The following HNRNPA1L2 variants were observed in gnomAD, a reference collection of about 807,000 sequenced individuals.
The protein encoded by HNRNPA1L2 is heterogeneous nuclear ribonucleoprotein A1-like 2.
A neutral mutation model predicts 18.2 loss-of-function variants in HNRNPA1L2; 10 were observed. That is an observed-to-expected ratio of 0.55 (90% confidence interval 0.34 to 0.93). The LOEUF (loss-of-function observed/expected upper bound fraction) is 0.93, where lower values mean the gene tolerates loss of function less well. Among genes scored for constraint, HNRNPA1L2 ranks in the 40% least tolerant of loss-of-function variants. The pLI, the probability that HNRNPA1L2 is intolerant of heterozygous loss-of-function variation, is 0.02. For synonymous variants in HNRNPA1L2, 124 were observed against 138.6 expected (o/e 0.89, Z 0.74); for missense variants, 308 against 394.4 (o/e 0.78, Z 1.85).
upstream of HNRNPA1L2, chr13:52,642,126 C>A (rs1019527934): frequency 4.0e-5 from 10 of 248,548 alleles, no homozygotes; most frequent in African/African-American, 8.9e-5. Flanking sequence ...TAGTTATATA[C>A]CCCTTCTTAA....
chr13:52,637,793 A>G (rs1296735561), upstream of HNRNPA1L2, among the ~76,000 whole-genome samples: 1 of 152,184 alleles, frequency 6.6e-6, no homozygotes, highest in African/African-American at 2.4e-5. Context: ...GCAGGTTCAC[A>G]GGTGGTCATT....
At chr13:52,626,169 A>G in the HNRNPA1L2 span, among the ~76,000 whole-genome samples, 6 of 152,116 alleles carry the variant, frequency 3.9e-5, no homozygotes, top group African/African-American at 1.4e-4. Flanking sequence ...ATCTTTCTCC[A>G]AGAACTTTAG....
At chr13:52,623,854 G>A in the HNRNPA1L2 span, among the ~76,000 whole-genome samples, 1 of 152,166 alleles carries the variant, frequency 6.6e-6, no homozygotes, top group African/African-American at 2.4e-5. Context: ...GGAACACAGC[G>A]GGGAAGGCCA....
the HNRNPA1L2 span, among the ~76,000 whole-genome samples, chr13:52,623,995 G>A: frequency 2.0e-5 from 3 of 152,222 alleles, no homozygotes; most frequent in South Asian, 6.2e-4. Context: ...AGCTGAGGGT[G>A]TTAGCAGAAA....
At chr13:52,641,206 C>T (rs1316294521), upstream of HNRNPA1L2, 1 of 152,236 alleles carries the variant, frequency 6.6e-6, no homozygotes, top group East Asian at 1.9e-4. Flanking sequence ...TAAAGAAGGA[C>T]CTGTGATGCT....
At chr13:52,631,497 G>C in the HNRNPA1L2 span, among the ~76,000 whole-genome samples, 1 of 152,270 alleles carries the variant, frequency 6.6e-6, no homozygotes, top group Middle Eastern at 3.4e-3. Context: ...CCGGACGTTC[G>C]GTTGAGAAAG....
rs1319334610 is a variant in HNRNPA1L2, at chr13:52,643,199, G to A, written c.707G>A (p.Gly236Glu). ...GGFGGSCGGG[G>E]YGGSGDGYNG... ...TTTGGTGGCAGCTGTGGTGGTGGTG[G>A]ATATGGTGGCAGTGGGGATGGCTAT... is the stretch of plus-strand genomic sequence containing the variant. The change falls in exon 1 of 1, where the codon GGA becomes GAA. Residue 236 changes from glycine to glutamate, a missense_variant. Gly to Glu is a moderately conservative substitution (Grantham distance 98, BLOSUM62 -2). Transcript: ENST00000357495. 4 of 1,597,712 alleles carry A rather than the reference G, an allele frequency of 2.5e-6. No individual in the cohort carries two copies. Among genetic ancestry groups the A allele is most frequent in the Non-Finnish European group, 3.4e-6 (4 of 1,179,764 alleles).
Position 52,642,885 on chromosome 13 carries a change from T to G in HNRNPA1L2, c.393T>G (p.Ile131Met). 6.3e-7 allele frequency: 1 copy of G among 1,596,660 alleles called. No individual in the cohort carries two copies. The highest frequency in any genetic ancestry group is 8.5e-7 in the Non-Finnish European group (1 of 1,179,760). Residue 131 changes from isoleucine to methionine, a missense_variant, in exon 1 of 1, where the codon ATT becomes ATG. Coordinates refer to ENST00000357495, the MANE Select transcript of HNRNPA1L2 (RefSeq NM_001389320.1). Reference protein sequence around the residue: ...LRDYFEQYGKIEVIEIMTDRG... With the variant: ...LRDYFEQYGKMEVIEIMTDRG... ...ATTATTTTGAACAGTATGGAAAAATTGAAGTAATTGAAATCATGACTGACC... is the reference window on the plus strand; with the variant it reads ...ATTATTTTGAACAGTATGGAAAAATGGAAGTAATTGAAATCATGACTGACC...
chr13:52,619,284 C>T, the HNRNPA1L2 span, among the ~76,000 whole-genome samples: 2 of 151,962 alleles, frequency 1.3e-5, no homozygotes. Context: ...TGAGCCACCA[C>T]GCCCGGCCAA....
the HNRNPA1L2 span, among the ~76,000 whole-genome samples, chr13:52,633,178 A>AT: frequency 1.1e-3 from 172 of 152,354 alleles, no homozygotes; most frequent in African/African-American, 4.1e-3. Context: ...TCTCTATGCT[A>AT]TTACATAAAG....
At chr13:52,625,979 C>T in the HNRNPA1L2 span, among the ~76,000 whole-genome samples, 2 of 151,748 alleles carry the variant, frequency 1.3e-5, no homozygotes, top group Non-Finnish European at 2.9e-5. Context: ...GGGGTTTTGC[C>T]ATCTTGCCCA....
chr13:52,623,067 G>C, the HNRNPA1L2 span, among the ~76,000 whole-genome samples: 1 of 152,038 alleles, frequency 6.6e-6, no homozygotes, highest in Non-Finnish European at 1.5e-5. Flanking sequence ...AGTATAATTG[G>C]GTGGTAGAGT....
chr13:52,617,903 G>T, the HNRNPA1L2 span, among the ~76,000 whole-genome samples: 3 of 152,174 alleles, frequency 2.0e-5, no homozygotes, highest in South Asian at 4.1e-4. Flanking sequence ...ATTACAAGCC[G>T]GGTCGCTGTG....
chr13:52,636,082 G>A, the HNRNPA1L2 span, among the ~76,000 whole-genome samples: 5 of 151,978 alleles, frequency 3.3e-5, no homozygotes, highest in Admixed American at 2.0e-4. Flanking sequence ...TGATCTGCCC[G>A]CCTCGGCCTC....
chr13:52,617,617 C>T, the HNRNPA1L2 span: 2 of 473,592 alleles, frequency 4.2e-6, no homozygotes, highest in South Asian at 6.2e-5. Flanking sequence ...ACCCTTTGTC[C>T]CCTGGAAGCC....
At chr13:52,617,929 C>A in the HNRNPA1L2 span, among the ~76,000 whole-genome samples, 1 of 152,346 alleles carries the variant, frequency 6.6e-6, no homozygotes, top group South Asian at 2.1e-4. Context: ...TTCGTCTTGT[C>A]ATCAACTCCT....
chr13:52,638,372 A>T (rs1371300749), upstream of HNRNPA1L2, among the ~76,000 whole-genome samples: 1 of 152,206 alleles, frequency 6.6e-6, no homozygotes, highest in African/African-American at 2.4e-5. Flanking sequence ...TTTACTAGCC[A>T]GTGAGGACAT....
chr13:52,642,409 C>T (rs1041508795), upstream of HNRNPA1L2: 14 of 1,536,748 alleles, frequency 9.1e-6, no homozygotes, highest in Non-Finnish European at 1.1e-5. Flanking sequence ...TATCCAGCTT[C>T]ATATCTAAGA....
At chr13:52,624,939 G>A in the HNRNPA1L2 span, among the ~76,000 whole-genome samples, 2 of 151,992 alleles carry the variant, frequency 1.3e-5, no homozygotes, top group Non-Finnish European at 2.9e-5. Flanking sequence ...GCTGAGGTGG[G>A]AGAATCCCTT....
Sources: allele counts gnomAD v4.1 joint callset (sites outside exome capture counted in the v4.1 genomes callset), GRCh38; gene constraint gnomAD v4.1.1; transcripts MANE v1.5; gene names NCBI Gene and HGNC (gene_info 2026-07-23, HGNC 2026-07-21).